RPA1: variants seen among roughly 807,000 people sequenced by gnomAD.
RPA1 encodes the protein replication protein A 70 kDa DNA-binding subunit.
RPA1 carries 49 observed loss-of-function variants against 83.0 expected under a neutral mutation model. That is an observed-to-expected ratio of 0.59 (90% CI 0.47 to 0.75). The LOEUF (loss-of-function observed/expected upper bound fraction) is 0.75, where lower values mean the gene tolerates loss of function less well. Among genes scored for constraint, RPA1 ranks in the 30% least tolerant of loss-of-function variants. The pLI is 0.00. For missense variants in RPA1, 693 were observed against 776.1 expected (o/e 0.89, Z 1.27); for synonymous variants, 279 against 281.8 (o/e 0.99, Z 0.10).
chr17:1,850,684 T>C (rs1250761749), intron 4 of RPA1, among the ~76,000 whole-genome samples: 1 of 152,038 alleles, frequency 6.6e-6, no homozygotes. Context: ...TCACCTGAGA[T>C]GGGGAGTTCG....
At chr17:1,847,340 T>C (rs1912300694) in intron 4 of RPA1, among the ~76,000 whole-genome samples, 1 of 152,210 alleles carries the variant, frequency 6.6e-6, no homozygotes, top group Non-Finnish European at 1.5e-5. Context: ...TTTTCTGTCC[T>C]CCAGGGCATG....
In RPA1 at chr17:1,879,691, G is replaced by A. The variant is rs769598873; in HGVS notation, c.1084G>A (p.Gly362Arg). The change falls in exon 11 of 17, where the codon GGG (glycine) becomes AGG (arginine). Residue 362 changes from glycine (G) to arginine (R), a missense_variant. By Grantham distance (125) the Gly-to-Arg change is moderately radical (BLOSUM62 -2). Coordinates refer to ENST00000254719, the MANE Select transcript of RPA1 (RefSeq NM_002945.5). Reference protein sequence around the residue: ...SGKVVTATLWGEDADKFDGSR... With the variant: ...SGKVVTATLWREDADKFDGSR... Reference sequence around the variant, plus strand: ...GAAGGTGGTGACTGCTACACTGTGGGGGGAAGATGTAAGTGCTGGGATGGG... The same window carrying A: ...GAAGGTGGTGACTGCTACACTGTGGAGGGAAGATGTAAGTGCTGGGATGGG... 1.9e-6 allele frequency: 3 copies of A among 1,614,108 alleles called. No homozygotes were observed. In the South Asian group the frequency reaches 3.3e-5, roughly 18 times the overall value.
In RPA1 at chr17:1,844,695, T is replaced by C. The variant is rs779082168; in HGVS notation, c.272+9T>C. On this transcript the variant is annotated intron_variant, in intron 4 of 16. Coordinates refer to ENST00000254719, the MANE Select transcript of RPA1 (RefSeq NM_002945.5). Reference sequence around the variant, plus strand: ...ACTCTGAAAGACGGAAGGTATGTGCTGTGTTTTTTTCTGTCTTATTGTATC... The same window carrying C: ...ACTCTGAAAGACGGAAGGTATGTGCCGTGTTTTTTTCTGTCTTATTGTATC... 1.3e-6 allele frequency: 2 copies of C among 1,599,656 alleles called. No individual in the cohort carries two copies. Among genetic ancestry groups the C allele is most frequent in the South Asian group, 2.2e-5 (2 of 90,122 alleles).
At chr17:1,843,243 T>G (rs962920652) in intron 2 of RPA1, among the ~76,000 whole-genome samples, 1 of 151,744 alleles carries the variant, frequency 6.6e-6, no homozygotes, top group African/African-American at 2.4e-5. Flanking sequence ...ACATCATTTA[T>G]TTAAGGGGTT....
intron 5 of RPA1, among the ~76,000 whole-genome samples, chr17:1,861,965 T>C (rs1263973054): frequency 6.6e-6 from 1 of 151,978 alleles, no homozygotes; most frequent in East Asian, 1.9e-4. Context: ...AGTGGCGCGG[T>C]CTCGGTTGAC....
At chr17:1,845,410 G>A (rs993529611) in intron 4 of RPA1, among the ~76,000 whole-genome samples, 12 of 151,670 alleles carry the variant, frequency 7.9e-5, no homozygotes, top group Admixed American at 3.9e-4. Context: ...GGCGGCACAC[G>A]CTACAGTCCT....
intron 12 of RPA1, among the ~76,000 whole-genome samples, chr17:1,882,448 A>T (rs1451983809): frequency 6.6e-6 from 1 of 151,878 alleles, no homozygotes; most frequent in Non-Finnish European, 1.5e-5. Context: ...TGAGGCCAGG[A>T]GTTCAAGACC....
At position 1,897,024 on chromosome 17, in the gene RPA1, C is replaced by T. The variant is rs9894745; in HGVS notation, c.1747-47C>T. The T allele has an allele frequency of 2.1e-3, 3,219 of 1,500,720 alleles. 54 individuals are homozygous for T. The African/African-American group carries it at 0.039, about 18-fold the overall frequency. 93.0% of individuals were successfully genotyped at this position (1,500,720 alleles called of 1,614,324 possible). A position where few individuals can be genotyped will look rare whatever the true frequency, so the allele number is the denominator to read the frequency against. On this transcript the variant is annotated intron_variant, in intron 16 of 16. Coordinates refer to ENST00000254719, the MANE Select transcript of RPA1 (RefSeq NM_002945.5). ...CTGAAGCAAAAGGGGTTTCACTGCT[C>T]CACACCACACTTTCACTGCTCACAA...
chr17:1,880,640 G>A lies in RPA1; in HGVS notation c.1190G>A (p.Ser397Asn). The A allele has an allele frequency of 6.2e-7, 1 of 1,614,064 alleles. No individual in the cohort carries two copies. The change falls in exon 12 of 17, where the codon AGC (serine) becomes AAC (asparagine). Residue 397 changes from serine (S) to asparagine (N), a missense_variant. By Grantham distance (46) the Ser-to-Asn change is conservative. Coordinates refer to ENST00000254719, the MANE Select transcript of RPA1 (RefSeq NM_002945.5). ...CGGAGCCTCTCCGTGCTGTCTTCAAGCACTATCATTGCGAATCCTGACATC... is the reference window on the plus strand; with the variant it reads ...CGGAGCCTCTCCGTGCTGTCTTCAAACACTATCATTGCGAATCCTGACATC... The part of the protein sequence containing the change: ...GGRSLSVLSS[S>N]TIIANPDIPE...
At chr17:1,874,647 T>A (rs1391272897) in intron 6 of RPA1, among the ~76,000 whole-genome samples, 1 of 152,256 alleles carries the variant, frequency 6.6e-6, no homozygotes, top group Non-Finnish European at 1.5e-5. Context: ...TTATATATTA[T>A]GTATGGGTAT....
Position 1,879,279 on chromosome 17 carries a change from A to G in RPA1, c.824A>G (p.Asp275Gly), listed in dbSNP as rs1197315638. 6.2e-7 allele frequency: 1 copy of G among 1,614,194 alleles called. No homozygotes were observed. Among genetic ancestry groups the G allele is most frequent in the Admixed American group, 1.7e-5 (1 of 60,018 alleles). The change falls in exon 10 of 17, where the codon GAC (aspartate) becomes GGC (glycine). Residue 275 changes from aspartate (D) to glycine (G), a missense_variant. By Grantham distance (94) the Asp-to-Gly change is moderately conservative. Transcript: ENST00000254719. ...ANKQFTAVKN[D>G]YEMTFNNETS... ...AAGCAGTTCACAGCTGTTAAAAATG[A>G]CTACGAGATGACCTTCAATAACGAG...
intron 5 of RPA1, among the ~76,000 whole-genome samples, chr17:1,870,681 TTGTC>T (rs1913345475): frequency 6.6e-6 from 1 of 152,200 alleles, no homozygotes; most frequent in African/African-American, 2.4e-5. Context: ...CCCTGGGAAT[TTGTC>T]TGTTAGGTAC....
chr17:1,842,127 G>A (rs1271268634), intron 1 of RPA1, among the ~76,000 whole-genome samples: 1 of 151,956 alleles, frequency 6.6e-6, no homozygotes, highest in South Asian at 2.1e-4. Flanking sequence ...AAAGTGCTAG[G>A]ATTATAGGCA....
intron 13 of RPA1, among the ~76,000 whole-genome samples, chr17:1,888,460 C>T (rs1284552882): frequency 6.6e-6 from 1 of 152,160 alleles, no homozygotes; most frequent in Admixed American, 6.5e-5. Context: ...CAGAACTTGG[C>T]TTATTAGAAC....
In RPA1 at chr17:1,857,465, G is replaced by A. The variant is rs146350367; in HGVS notation, c.361+4276G>A. 2.9e-3 allele frequency among the ~76,000 whole-genome samples: 443 copies of A among 151,762 alleles called. 2 individuals carry two copies. Among genetic ancestry groups the A allele is most frequent in the African/African-American group, 9.5e-3 (393 of 41,416 alleles). On this transcript the variant is annotated intron_variant, in intron 5 of 16. Transcript: ENST00000254719. ...ATATATTTTCTCCTCAAAAGCAGCT[G>A]CTCCAAGAACTAACTAGCCCTCTTT...
chr17:1,847,992 A>C (rs1021735882), intron 4 of RPA1, among the ~76,000 whole-genome samples: 1 of 147,344 alleles, frequency 6.8e-6, no homozygotes, highest in Non-Finnish European at 1.5e-5. Flanking sequence ...CCTCGGTTAC[A>C]GAGCAAGACC....
At chr17:1,880,007 G>A (rs1913723939) in intron 11 of RPA1, among the ~76,000 whole-genome samples, 1 of 147,186 alleles carries the variant, frequency 6.8e-6, no homozygotes, top group Non-Finnish European at 1.5e-5. Context: ...AGCTCCTGGA[G>A]CTGGCGGAGG....
intron 13 of RPA1, among the ~76,000 whole-genome samples, chr17:1,887,106 A>T (rs1167544492): frequency 6.6e-6 from 1 of 152,180 alleles, no homozygotes; most frequent in East Asian, 1.9e-4. Flanking sequence ...TATCAGCAGT[A>T]AGGCTGTTTG....
chr17:1,856,810 C>T, intron 5 of RPA1, among the ~76,000 whole-genome samples: 1 of 151,038 alleles, frequency 6.6e-6, no homozygotes, highest in East Asian at 1.9e-4. Flanking sequence ...GGAATTATAG[C>T]ATATATATAT....
Sources: gnomAD v4.1 joint callset for allele counts (sites outside exome capture counted in the v4.1 genomes callset) on GRCh38, gnomAD v4.1.1 for gene constraint, MANE v1.5 for transcripts, NCBI Gene and HGNC (gene_info 2026-07-23, HGNC 2026-07-21) for gene names.